Variants in ABCC4 observed in about 807,000 individuals in gnomAD.
ABCC4 encodes ATP-binding cassette sub-family C member 4.
ABCC4 carries 102 observed loss-of-function variants against 168.5 expected under a neutral mutation model. That is an observed-to-expected ratio of 0.61 (90% confidence interval 0.52 to 0.71). The LOEUF (loss-of-function observed/expected upper bound fraction) is 0.71. Among genes scored for constraint, ABCC4 ranks in the 30% least tolerant of loss-of-function variants. The pLI is 0.00. For missense variants in ABCC4, 1,402 were observed against 1,605.8 expected, an observed-to-expected ratio of 0.87 and a Z score of 2.17; for synonymous variants, 617 against 590.7, an observed-to-expected ratio of 1.04 and a Z score of -0.65.
intron 30 of ABCC4, among the ~76,000 whole-genome samples, chr13:95,032,430 A>G (rs985850696): frequency 6.6e-6 from 1 of 152,214 alleles, no homozygotes; most frequent in African/African-American, 2.4e-5. Context: ...GACTAGGGGC[A>G]TGTTTAATGT....
chr13:95,159,345 A>G (rs1750996), intron 19 of ABCC4, among the ~76,000 whole-genome samples: 36,087 of 151,408 alleles, frequency 0.24, 5,247 homozygotes, highest in African/African-American at 0.42. Context: ...GACAAAGTAG[A>G]CCTCTCTTGG....
intron 24 of ABCC4, among the ~76,000 whole-genome samples, chr13:95,072,386 G>A (rs182799331): frequency 3.7e-4 from 57 of 152,184 alleles, no homozygotes; most frequent in African/African-American, 1.3e-3. Context: ...GCTTGAACCC[G>A]GGAGGCGGAG....
At chr13:95,168,453 A>G (rs551324897) in intron 14 of ABCC4, among the ~76,000 whole-genome samples, 1 of 152,174 alleles carries the variant, frequency 6.6e-6, no homozygotes, top group Non-Finnish European at 1.5e-5. Context: ...TTTAGGCAGC[A>G]AGGAGGGGCT....
intron 1 of ABCC4, among the ~76,000 whole-genome samples, chr13:95,251,646 C>T (rs374552576): frequency 5.9e-5 from 9 of 152,274 alleles, no homozygotes; most frequent in East Asian, 3.9e-4. Flanking sequence ...CCTGGAATCA[C>T]GGGATCCAGG....
At chr13:95,095,334 CTAT>C (rs2034559413) in intron 20 of ABCC4, among the ~76,000 whole-genome samples, 1 of 150,022 alleles carries the variant, frequency 6.7e-6, no homozygotes, top group African/African-American at 2.5e-5. Flanking sequence ...ATCTATCTAT[CTAT>C]CTGATGGAAT....
intron 19 of ABCC4, among the ~76,000 whole-genome samples, chr13:95,131,551 C>A (rs954909654): frequency 6.6e-6 from 1 of 152,130 alleles, no homozygotes; most frequent in African/African-American, 2.4e-5. Context: ...ATTGCCTGAA[C>A]CCCAGAGGCG....
rs577605033 is a variant in ABCC4, at chr13:95,150,522, A to T, written c.2455+10667T>A. Among the ~76,000 whole-genome samples, 19 of 152,000 alleles carry T rather than the reference A, an allele frequency of 1.3e-4. No homozygotes were observed. The East Asian group carries it at 3.5e-3, about 28-fold the overall frequency. The stretch of plus-strand genomic sequence containing the variant: ...CCTTCCCCACTGCCAGGGCCTCAAA[A>T]TGTACTTTGAAGCTTGTCGAGTCTT... On this transcript the variant is annotated intron_variant, in intron 19 of 30. Transcript: ENST00000645237.
chr13:95,262,660 T>C (rs1289355346), intron 1 of ABCC4, among the ~76,000 whole-genome samples: 1 of 145,268 alleles, frequency 6.9e-6, no homozygotes, highest in African/African-American at 2.6e-5. Context: ...CAAGACGGAG[T>C]CTCACTCTGT....
intron 13 of ABCC4, among the ~76,000 whole-genome samples, chr13:95,176,218 G>A (rs904021758): frequency 7.9e-5 from 4 of 50,448 alleles, no homozygotes; most frequent in East Asian, 1.2e-3. Context: ...CCAGGAAGCC[G>A]AGGGCAGGGG....
chr13:95,141,887 C>G (rs1489636148), intron 19 of ABCC4, among the ~76,000 whole-genome samples: 1 of 152,164 alleles, frequency 6.6e-6, no homozygotes, highest in East Asian at 1.9e-4. Flanking sequence ...AGGTGTGCAC[C>G]ACAGTGTCCA....
intron 1 of ABCC4, among the ~76,000 whole-genome samples, chr13:95,279,650 C>T (rs1204642206): frequency 1.3e-5 from 2 of 152,158 alleles, no homozygotes; most frequent in Admixed American, 1.3e-4. Flanking sequence ...CCTGAAATAC[C>T]TCAACCCAAA....
chr13:95,125,372 C>T (rs916284441), intron 19 of ABCC4, among the ~76,000 whole-genome samples: 1 of 152,190 alleles, frequency 6.6e-6, no homozygotes, highest in Non-Finnish European at 1.5e-5. Context: ...CTACTGCCTG[C>T]TGTACTGGAT....
chr13:95,028,422 T>A (rs2031650941), intron 30 of ABCC4, among the ~76,000 whole-genome samples: 1 of 151,720 alleles, frequency 6.6e-6, no homozygotes, highest in African/African-American at 2.4e-5. Flanking sequence ...GCAATGAAAA[T>A]GAAACTGATG....
At chr13:95,283,960 G>A (rs1468512477) in intron 1 of ABCC4, among the ~76,000 whole-genome samples, 1 of 151,896 alleles carries the variant, frequency 6.6e-6, no homozygotes, top group Non-Finnish European at 1.5e-5. Flanking sequence ...AGCACTTTGG[G>A]AGGCCGAGGC....
At chr13:95,051,901 G>A (rs1015646539) in intron 27 of ABCC4, among the ~76,000 whole-genome samples, 16 of 152,232 alleles carry the variant, frequency 1.1e-4, no homozygotes, top group African/African-American at 3.4e-4. Flanking sequence ...TCCTGACCTC[G>A]TGATCCATCC....
At position 95,210,754 on chromosome 13, in the gene ABCC4, C is replaced by A. The variant is rs11568658; in HGVS notation, c.559G>T (p.Gly187Trp). Residue 187 changes from glycine (G) to tryptophan (W), a missense_variant, in exon 5 of 31, where the codon GGG (glycine) becomes TGG (tryptophan). Gly to Trp is a radical substitution (Grantham distance 184, BLOSUM62 -2). Around this residue, in one of 3 missense-constraint regions of ABCC4, gnomAD observed 317 missense variants for 345.5 expected, o/e 0.92. Transcript: ENST00000645237. ...KALRLSNMAM[G>W]KTTTGQIVNL... is the part of the protein sequence containing the mutation. The stretch of plus-strand genomic sequence containing the variant: ...ACTATCTGGCCTGTGGTTGTCTTCC[C>A]CATGGCCATGTTACTAAGACGAAGT... The A allele has an allele frequency of 0.031, 49,765 of 1,613,498 alleles. 1,431 individuals carry two copies. Among genetic ancestry groups the A allele is most frequent in the East Asian group, 0.12 (5,546 of 44,824 alleles).
At chr13:95,251,226 C>A (rs1382643738) in intron 1 of ABCC4, among the ~76,000 whole-genome samples, 10 of 152,264 alleles carry the variant, frequency 6.6e-5, no homozygotes, top group African/African-American at 2.4e-4. Context: ...TAAAAGCTAA[C>A]TTATCTTTGG....
intron 19 of ABCC4, among the ~76,000 whole-genome samples, chr13:95,153,050 C>T (rs1349486585): frequency 6.6e-6 from 1 of 152,090 alleles, no homozygotes; most frequent in Non-Finnish European, 1.5e-5. Flanking sequence ...ATGTTGAAAT[C>T]GGCCACTGCA....
At chr13:95,037,574 G>A (rs574513089) in intron 29 of ABCC4, among the ~76,000 whole-genome samples, 34 of 152,304 alleles carry the variant, frequency 2.2e-4, no homozygotes, top group African/African-American at 4.3e-4. Flanking sequence ...ATTTGAACCC[G>A]GGTGTAAACC....
Sources: gnomAD v4.1 joint callset for allele counts (sites outside exome capture counted in the v4.1 genomes callset) on GRCh38, gnomAD v4.1.1 for gene constraint, gnomAD v4.1.1 regional missense constraint, MANE v1.5 for transcripts, NCBI Gene and HGNC (gene_info 2026-07-23, HGNC 2026-07-21) for gene names.